The following ARID1A variants were observed in gnomAD, a reference collection of about 807,000 sequenced individuals.
The protein encoded by ARID1A is AT-rich interaction domain 1A, also known as AT-rich interactive domain-containing protein 1A.
ARID1A carries 20 observed loss-of-function variants against 212.6 expected under a neutral mutation model. That is an observed-to-expected ratio of 0.09 (90% CI 0.07 to 0.14). The LOEUF is 0.14. ARID1A is among the 10% of genes least tolerant of loss of function. The pLI, the probability that ARID1A is intolerant of heterozygous loss-of-function variation, is 1.00. For missense variants in ARID1A, 2,587 were observed against 3,059.0 expected (o/e 0.85, Z 3.64); for synonymous variants, 1,376 against 1,222.1 (o/e 1.13, Z -2.63).
Position 26,773,609 on chromosome 1 carries a change from A to G in ARID1A, c.3896A>G (p.Asn1299Ser), listed in dbSNP as rs2124112686. Residue 1299 changes from asparagine (N) to serine (S), a missense_variant, in exon 16 of 20, where the codon AAC (asparagine) becomes AGC (serine). By Grantham distance (46) the Asn-to-Ser change is conservative. Transcript: ENST00000324856. ...RTEPGIGPEG[N>S]MSTGAPQPNL... ...GAGCCTGGAATAGGGCCTGAGGGAA[A>G]CATGAGCACTGGGGCCCCACAGCCG... 1 of 1,614,166 alleles carries G rather than the reference A, an allele frequency of 6.2e-7. No homozygotes were observed. Among genetic ancestry groups the G allele is most frequent in the East Asian group, 2.2e-5 (1 of 44,886 alleles).
intron 1 of ARID1A, among the ~76,000 whole-genome samples, chr1:26,725,145 G>A (rs1557588688): frequency 6.6e-6 from 1 of 152,112 alleles, no homozygotes; most frequent in Admixed American, 6.5e-5. Flanking sequence ...GTTTCCCATT[G>A]AAAGGATTTC....
intron 1 of ARID1A, among the ~76,000 whole-genome samples, chr1:26,723,285 T>A (rs1468292184): frequency 6.6e-6 from 1 of 152,132 alleles, no homozygotes; most frequent in Non-Finnish European, 1.5e-5. Context: ...AAGCTGTTGG[T>A]TGGGAGAGGC....
At chr1:26,720,463 CAA>C (rs2080551632) in intron 1 of ARID1A, among the ~76,000 whole-genome samples, 1 of 144,934 alleles carries the variant, frequency 6.9e-6, no homozygotes, top group East Asian at 2.0e-4. Context: ...ACAGAGCAAA[CAA>C]GACTCCATCT....
chr1:26,726,213 C>T (rs1265237845), intron 1 of ARID1A, among the ~76,000 whole-genome samples: 10 of 145,214 alleles, frequency 6.9e-5, no homozygotes, highest in African/African-American at 1.0e-4. Flanking sequence ...TGCTCTGCTG[C>T]CCAGGATGGA....
At chr1:26,714,559 C>A (rs1432013073) in intron 1 of ARID1A, among the ~76,000 whole-genome samples, 2 of 152,062 alleles carry the variant, frequency 1.3e-5, no homozygotes. Flanking sequence ...GCTGAGACTA[C>A]AGGTGTGTCA....
At chr1:26,744,661 G>A (rs969490070) in intron 4 of ARID1A, among the ~76,000 whole-genome samples, 1 of 152,172 alleles carries the variant, frequency 6.6e-6, no homozygotes, top group African/African-American at 2.4e-5. Context: ...TACTCAAGAA[G>A]ACACTTGGTA....
At position 26,760,954 on chromosome 1, in the gene ARID1A, G is replaced by T; in HGVS notation, c.2019G>T (p.Gln673His). ...TSGISSSQGE[Q>H]SNPAQSPFSP... ...GGATTTCCAGCAGCCAAGGAGAGCAGAGTAATCCAGCTCAGTCTCCTTTCT... is the reference window on the plus strand; with the variant it reads ...GGATTTCCAGCAGCCAAGGAGAGCATAGTAATCCAGCTCAGTCTCCTTTCT... Residue 673 changes from glutamine (Q) to histidine (H), a missense_variant, in exon 5 of 20, where the codon CAG (glutamine) becomes CAT (histidine). This residue lies in a region of ARID1A where 674 missense variants were observed against 813.4 expected (regional missense o/e 0.83). Transcript: ENST00000324856. The T allele has an allele frequency of 6.2e-7, 1 of 1,614,118 alleles. No homozygotes were observed. Among genetic ancestry groups the T allele is most frequent in the Non-Finnish European group, 8.5e-7 (1 of 1,180,038 alleles).
At chr1:26,708,699 T>C (rs535367506) in intron 1 of ARID1A, among the ~76,000 whole-genome samples, 1 of 151,216 alleles carries the variant, frequency 6.6e-6, no homozygotes, top group South Asian at 2.1e-4. Flanking sequence ...ATTATTGTCT[T>C]TTTTTTTCTT....
At chr1:26,728,578 C>T (rs2080641502) in intron 1 of ARID1A, among the ~76,000 whole-genome samples, 1 of 152,152 alleles carries the variant, frequency 6.6e-6, no homozygotes, top group Non-Finnish European at 1.5e-5. Context: ...GATTCTGATG[C>T]ATGCTAAAAT....
chr1:26,761,233 G>A, intron 5 of ARID1A, 137 bp downstream of exon 5: 1 of 1,471,954 alleles, frequency 6.8e-7, no homozygotes, highest in Middle Eastern at 1.8e-4. Flanking sequence ...TTTGGAGAAG[G>A]AGATTGGAAC....
rs377328514 is a variant in ARID1A at position 26,725,312 on chromosome 1, T to G, written c.1138-4339T>G. On this transcript the variant is annotated intron_variant, in intron 1 of 19. Transcript: ENST00000324856. Reference sequence around the variant, plus strand: ...ATTGCTACTTTCCAATAAAACTGATTAGTGAATATTTAAGGCCCCTTCTCT... The same window carrying G: ...ATTGCTACTTTCCAATAAAACTGATGAGTGAATATTTAAGGCCCCTTCTCT... Among the ~76,000 whole-genome samples, 130 of 152,282 alleles carry G rather than the reference T, an allele frequency of 8.5e-4. 1 individual carries two copies. The South Asian group carries it at 0.026, about 30-fold the overall frequency.
rs1424496245 is a variant in ARID1A at position 26,781,758 on chromosome 1, G to A, written c.*1002G>A. 1.3e-5 allele frequency: 3 copies of A among 233,508 alleles called. No homozygotes were observed. The highest frequency in any genetic ancestry group is 2.2e-5 in the African/African-American group (1 of 45,322). The allele number at this position is 233,508 out of a possible 1,614,324, so 14.5% of individuals were successfully genotyped here. A position where few individuals can be genotyped will look rare whatever the true frequency, so the allele number is the denominator to read the frequency against. Reference sequence around the variant, plus strand: ...GCTATTTAATCTCTTGCCAGATATCGCCCCTCTTGGTGCGATGCTGTACAG... The same window carrying A: ...GCTATTTAATCTCTTGCCAGATATCACCCCTCTTGGTGCGATGCTGTACAG... On this transcript the variant is annotated 3_prime_UTR_variant, in exon 20 of 20. Transcript: ENST00000324856.
chr1:26,772,507 A>C lies in ARID1A; in HGVS notation c.3414A>C (p.Ser1138=). 4 of 1,614,244 alleles carry C rather than the reference A, an allele frequency of 2.5e-6. No individual in the cohort carries two copies. The highest frequency in any genetic ancestry group is 3.4e-6 in the Non-Finnish European group (4 of 1,180,036). Residue 1138 remains serine, a synonymous_variant, in exon 13 of 20, where the codon TCA becomes TCC. Transcript: ENST00000324856. ...TTGTATCTCTGTCCACAGCGGGATC[A>C]GGATCTATGCAGGGGCCCCAGACTC... ...PKIQPPSPAG[S]GSMQGPQTPQ... is the part of the protein sequence containing the mutation.
At position 26,774,850 on chromosome 1, in the gene ARID1A, C is replaced by T. The variant is rs750565364; in HGVS notation, c.4623C>T (p.His1541=). The T allele has an allele frequency of 5.0e-6, 8 of 1,607,420 alleles. No homozygotes were observed. The South Asian group carries it at 5.5e-5, about 11-fold the overall frequency. The part of the protein sequence containing the change: ...EMLHTDQRAN[H]EGSWPSHGTR... The stretch of plus-strand genomic sequence containing the variant: ...TGCACACAGATCAGAGGGCCAACCA[C>T]GAAGGCTCGTGGCCTTCCCATGGCA... The change falls in exon 18 of 20, where the codon CAC becomes CAT. Residue 1541 remains histidine (H), a synonymous_variant. Coordinates refer to ENST00000324856, the MANE Select transcript of ARID1A (RefSeq NM_006015.6). This position sits in a 1 kb window ranked among gnomAD's most constrained non-coding sequence, Gnocchi z 5.6.
At chr1:26,703,954 G>T (rs1305785496) in intron 1 of ARID1A, among the ~76,000 whole-genome samples, 1 of 152,198 alleles carries the variant, frequency 6.6e-6, no homozygotes, top group East Asian at 1.9e-4. Flanking sequence ...TAGAGGAAAA[G>T]GTTCAATCAG....
chr1:26,727,624 AT>A (rs2080630977), intron 1 of ARID1A: 1 of 152,188 alleles, frequency 6.6e-6, no homozygotes, highest in Admixed American at 6.5e-5. Flanking sequence ...AGGCCTAGCC[AT>A]TTGTGAAGCT....
At position 26,774,702 on chromosome 1, in the gene ARID1A, C is replaced by T. The variant is rs2124119751; in HGVS notation, c.4475C>T (p.Ala1492Val). ...GGPIQASAEV[A>V]QQGTMWQGRN... The stretch of plus-strand genomic sequence containing the variant: ...CCCATACAGGCATCAGCTGAGGTTG[C>T]TCAGCAAGGCACCATGTGGCAGGGG... Residue 1492 changes from alanine (A) to valine (V), a missense_variant, in exon 18 of 20, where the codon GCT (alanine) becomes GTT (valine). Ala to Val is a moderately conservative substitution (Grantham distance 64, BLOSUM62 0). Coordinates refer to ENST00000324856, the MANE Select transcript of ARID1A (RefSeq NM_006015.6). This position sits in a 1 kb window ranked among gnomAD's most constrained non-coding sequence, Gnocchi z 5.6. The T allele has an allele frequency of 6.2e-7, 1 of 1,614,242 alleles. No homozygotes were observed. Among genetic ancestry groups the T allele is most frequent in the Non-Finnish European group, 8.5e-7 (1 of 1,180,042 alleles).
chr1:26,718,009 C>T (rs966076356), intron 1 of ARID1A, among the ~76,000 whole-genome samples: 2 of 152,154 alleles, frequency 1.3e-5, no homozygotes, highest in Non-Finnish European at 2.9e-5. Flanking sequence ...GAAGTTTGCT[C>T]TGTTGCTCAG....
chr1:26,759,914 C>T (rs957803667), intron 4 of ARID1A, among the ~76,000 whole-genome samples: 1 of 152,220 alleles, frequency 6.6e-6, no homozygotes, highest in South Asian at 2.1e-4. Flanking sequence ...CATCCAATGT[C>T]TCTCTTTCTT....
Sources: allele counts gnomAD v4.1 joint callset (sites outside exome capture counted in the v4.1 genomes callset), GRCh38; gene constraint gnomAD v4.1.1; regional missense constraint gnomAD v4.1.1; non-coding constraint Gnocchi (gnomAD v3.1); transcripts MANE v1.5; gene names NCBI Gene and HGNC (gene_info 2026-07-23, HGNC 2026-07-21).